DMD: variants seen among roughly 807,000 people sequenced by gnomAD.
The protein encoded by DMD is mutant dystrophin.
A neutral mutation model predicts 330.1 loss-of-function variants in DMD; 63 were observed. The observed-to-expected ratio is 0.19, with a 90% CI of 0.16 to 0.24. DMD has a LOEUF of 0.24. Ranked by LOEUF, DMD falls within the 10% of genes least tolerant of loss-of-function variation. The pLI, the probability that DMD is intolerant of heterozygous loss-of-function variation, is 1.00. For missense variants in DMD, 3,344 were observed against 2,684.1 expected (o/e 1.25, Z -5.43); for synonymous variants, 1,223 against 959.8 (o/e 1.27, Z -5.07).
At chrX:33,066,990 C>T (rs192609170) in intron 1 of DMD, among the ~76,000 whole-genome samples, 20 of 111,652 alleles carry the variant, frequency 1.8e-4, no homozygotes, top group Non-Finnish European at 3.4e-4. Context: ...ATTCGTAGAC[C>T]GACAGCTATT....
intron 63 of DMD, among the ~76,000 whole-genome samples, chrX:31,260,437 C>G (rs917557806): frequency 8.9e-6 from 1 of 111,901 alleles, no homozygotes; most frequent in Non-Finnish European, 1.9e-5. Context: ...AACTGTCAGG[C>G]TCTTACATAA....
intron 1 of DMD, among the ~76,000 whole-genome samples, chrX:33,037,429 G>A (rs1487714572): frequency 9.0e-6 from 1 of 110,663 alleles, no homozygotes. Context: ...ATAAACACAT[G>A]AAGCTGTTTT....
At chrX:31,202,954 C>T (rs1164994428) in intron 67 of DMD, among the ~76,000 whole-genome samples, 4 of 111,929 alleles carry the variant, frequency 3.6e-5, no homozygotes, top group East Asian at 5.6e-4. Context: ...AAAAGCTAAA[C>T]GATAAGGATG....
chrX:31,892,958 A>G (rs2094279373), intron 47 of DMD, among the ~76,000 whole-genome samples: 1 of 112,118 alleles, frequency 8.9e-6, no homozygotes, highest in South Asian at 3.7e-4. Flanking sequence ...TTACTATTTT[A>G]ATGTGGCCAT....
intron 52 of DMD, 76 bp downstream of exon 52, chrX:31,729,555 A>G: frequency 1.4e-6 from 1 of 695,716 alleles, no homozygotes; most frequent in Non-Finnish European, 2.4e-6. Flanking sequence ...TGTGAGGGGG[A>G]TATATGAACT....
intron 11 of DMD, among the ~76,000 whole-genome samples, chrX:32,615,927 C>T (rs1458064404): frequency 1.8e-5 from 2 of 111,292 alleles, no homozygotes; most frequent in African/African-American, 3.3e-5. Context: ...CAGTATCTCT[C>T]CAAGGATTCC....
intron 7 of DMD, among the ~76,000 whole-genome samples, chrX:32,757,707 C>T (rs1468306393): frequency 8.9e-6 from 1 of 111,929 alleles, no homozygotes; most frequent in African/African-American, 3.2e-5. Context: ...GTGAGGCCTC[C>T]CCAGCCATGT....
At chrX:32,668,741 A>G (rs1303392016) in intron 9 of DMD, among the ~76,000 whole-genome samples, 2 of 107,667 alleles carry the variant, frequency 1.9e-5, no homozygotes, top group Non-Finnish European at 3.8e-5. Flanking sequence ...TCTCTGATAA[A>G]ACTTGAACTT....
intron 74 of DMD, among the ~76,000 whole-genome samples, chrX:31,148,391 C>T (rs189363520): frequency 0.018 from 2,006 of 112,280 alleles, 38 homozygotes; most frequent in African/African-American, 0.058. Context: ...TAATAGTTTG[C>T]TATTTTAACT....
At chrX:32,392,198 G>A (rs2098007735) in intron 30 of DMD, among the ~76,000 whole-genome samples, 1 of 111,878 alleles carries the variant, frequency 8.9e-6, no homozygotes, top group African/African-American at 3.2e-5. Context: ...TGCATAGGGA[G>A]TGAGGTGGTA....
intron 48 of DMD, among the ~76,000 whole-genome samples, chrX:31,868,297 C>T (rs1483198898): frequency 8.9e-6 from 1 of 111,882 alleles, no homozygotes; most frequent in Non-Finnish European, 1.9e-5. Context: ...ATACAAGAAA[C>T]GCCTTTCCTT....
intron 1 of DMD, among the ~76,000 whole-genome samples, chrX:33,279,361 TC>T (rs1273165348): frequency 4.5e-5 from 5 of 111,346 alleles, no homozygotes; most frequent in Admixed American, 2.9e-4. Context: ...TTATTTTTTT[TC>T]ACTCAGTATA....
At chrX:32,685,412 T>C (rs920123348) in intron 9 of DMD, among the ~76,000 whole-genome samples, 4 of 111,794 alleles carry the variant, frequency 3.6e-5, no homozygotes, top group African/African-American at 1.3e-4. Flanking sequence ...ACACACAATA[T>C]AGAAATTTCT....
intron 75 of DMD, among the ~76,000 whole-genome samples, chrX:31,146,906 G>A (rs2036772638): frequency 9.0e-6 from 1 of 111,390 alleles, no homozygotes. Context: ...TTAGGGATTA[G>A]GAGAAAAAAA....
intron 1 of DMD, among the ~76,000 whole-genome samples, chrX:33,228,919 T>C (rs1237485789): frequency 8.1e-5 from 9 of 111,075 alleles, no homozygotes; most frequent in Non-Finnish European, 1.7e-4. Flanking sequence ...CTCTGAAAAA[T>C]GTGTAGTTTT....
intron 44 of DMD, among the ~76,000 whole-genome samples, chrX:32,123,236 T>TATATATATAC (rs1450098082): frequency 1.1e-5 from 1 of 87,176 alleles, no homozygotes; most frequent in African/African-American, 4.4e-5. Flanking sequence ...TATATATATA[T>TATATATATAC]ATATATAAAT....
intron 2 of DMD, among the ~76,000 whole-genome samples, chrX:32,930,320 C>T (rs1195955459): frequency 2.7e-5 from 3 of 110,133 alleles, no homozygotes; most frequent in African/African-American, 6.6e-5. Context: ...TACTGTATGT[C>T]GGGGACCATC....
intron 59 of DMD, among the ~76,000 whole-genome samples, chrX:31,466,635 G>A (rs996507825): frequency 8.9e-6 from 1 of 111,847 alleles, no homozygotes; most frequent in African/African-American, 3.3e-5. Context: ...GGATTGACTT[G>A]GCTATGTGGG....
At chrX:32,988,524 T>G (rs764164199) in intron 2 of DMD, among the ~76,000 whole-genome samples, 5 of 112,435 alleles carry the variant, frequency 4.4e-5, no homozygotes, top group African/African-American at 1.6e-4. Context: ...CACTTCAGGC[T>G]GTCAGGCCAG....
Sources: allele counts gnomAD v4.1 joint callset (sites outside exome capture counted in the v4.1 genomes callset), GRCh38; gene constraint gnomAD v4.1.1; transcripts MANE v1.5; gene names NCBI Gene and HGNC (gene_info 2026-07-23, HGNC 2026-07-21).